Variants in ARHGAP24 observed in about 807,000 individuals in gnomAD.
The protein encoded by ARHGAP24 is rho GTPase-activating protein 24.
A neutral mutation model predicts 76.4 loss-of-function variants in ARHGAP24; 50 were observed. The observed-to-expected ratio is 0.65, with a 90% CI of 0.52 to 0.83. The LOEUF (loss-of-function observed/expected upper bound fraction) is 0.83, where lower values mean the gene tolerates loss of function less well. Among genes scored for constraint, ARHGAP24 ranks in the 40% least tolerant of loss-of-function variants. ARHGAP24 has a pLI of 0.00. For missense variants in ARHGAP24, 930 were observed against 914.2 expected, an observed-to-expected ratio of 1.02 and a Z score of -0.22; for synonymous variants, 345 against 323.3, an observed-to-expected ratio of 1.07 and a Z score of -0.72.
At chr4:85,811,150 C>T (rs1041160109) in intron 3 of ARHGAP24, among the ~76,000 whole-genome samples, 2 of 152,060 alleles carry the variant, frequency 1.3e-5, no homozygotes, top group Admixed American at 1.3e-4. Context: ...ATGCAAGAGC[C>T]AATGATTTCT....
intron 1 of ARHGAP24, among the ~76,000 whole-genome samples, chr4:85,545,348 C>T (rs1434583807): frequency 6.6e-6 from 1 of 152,164 alleles, no homozygotes; most frequent in Non-Finnish European, 1.5e-5. Context: ...GATCCACCCA[C>T]CTCAGCCCCC....
At chr4:85,940,400 G>C (rs1037711539) in intron 4 of ARHGAP24, among the ~76,000 whole-genome samples, 7 of 151,890 alleles carry the variant, frequency 4.6e-5, no homozygotes, top group Admixed American at 3.9e-4. Context: ...CAGGCAAAAG[G>C]AGTGACTGAC....
At chr4:85,754,098 C>G (rs1249546582) in intron 3 of ARHGAP24, among the ~76,000 whole-genome samples, 2 of 152,162 alleles carry the variant, frequency 1.3e-5, no homozygotes, top group African/African-American at 4.8e-5. Flanking sequence ...CCTCTGGTAA[C>G]CACCCAGCCT....
intron 3 of ARHGAP24, among the ~76,000 whole-genome samples, chr4:85,797,161 G>GA (rs1237957895): frequency 6.7e-6 from 1 of 148,464 alleles, no homozygotes; most frequent in African/African-American, 2.5e-5. Flanking sequence ...AATTTTTTTT[G>GA]TTTTTTTTTT....
At chr4:85,996,575 C>A (rs544214875) in intron 9 of ARHGAP24, among the ~76,000 whole-genome samples, 1 of 152,022 alleles carries the variant, frequency 6.6e-6, no homozygotes, top group Admixed American at 6.6e-5. Flanking sequence ...AAAAAGATAA[C>A]GTACTTTCAG....
chr4:85,587,414 C>T (rs1471163350), intron 2 of ARHGAP24, among the ~76,000 whole-genome samples: 1 of 152,126 alleles, frequency 6.6e-6, no homozygotes, highest in Non-Finnish European at 1.5e-5. Flanking sequence ...TGTGTGTGAT[C>T]ATCCTTTTAA....
At chr4:85,560,803 A>G (rs148309420) in intron 1 of ARHGAP24, among the ~76,000 whole-genome samples, 106 of 152,312 alleles carry the variant, frequency 7.0e-4, no homozygotes, top group African/African-American at 2.5e-3. Flanking sequence ...TTTGAAGTTC[A>G]GTTTAGCTTT....
intron 3 of ARHGAP24, among the ~76,000 whole-genome samples, chr4:85,766,210 TAG>T (rs1407010122): frequency 6.6e-6 from 1 of 151,908 alleles, no homozygotes; most frequent in Non-Finnish European, 1.5e-5. Flanking sequence ...ATGAAGGAAG[TAG>T]AGATGGGGTA....
At chr4:85,841,721 C>T (rs1325122475) in intron 3 of ARHGAP24, among the ~76,000 whole-genome samples, 1 of 152,092 alleles carries the variant, frequency 6.6e-6, no homozygotes, top group African/African-American at 2.4e-5. Flanking sequence ...CAGCCTCATT[C>T]AAGTACACCT....
chr4:85,966,477 G>T (rs1738615610), intron 5 of ARHGAP24, among the ~76,000 whole-genome samples: 1 of 152,162 alleles, frequency 6.6e-6, no homozygotes, highest in Non-Finnish European at 1.5e-5. Context: ...TGTGCAATAA[G>T]CCATGACAGT....
intron 2 of ARHGAP24, among the ~76,000 whole-genome samples, chr4:85,580,475 A>G (rs956029034): frequency 1.3e-5 from 2 of 152,080 alleles, no homozygotes; most frequent in African/African-American, 2.4e-5. Context: ...CTAAAGTCCT[A>G]TCACCTGGGG....
chr4:85,563,405 C>T (rs576999563), intron 1 of ARHGAP24, among the ~76,000 whole-genome samples: 18 of 152,256 alleles, frequency 1.2e-4, no homozygotes, highest in African/African-American at 2.4e-4. Context: ...GGCTTGTAGG[C>T]GACCAACATA....
At chr4:85,584,498 G>A (rs947993415) in intron 2 of ARHGAP24, among the ~76,000 whole-genome samples, 12 of 151,222 alleles carry the variant, frequency 7.9e-5, no homozygotes, top group Non-Finnish European at 4.4e-5. Flanking sequence ...GCTAAATGAC[G>A]AGTTAATGGG....
intron 8 of ARHGAP24, among the ~76,000 whole-genome samples, chr4:85,979,178 G>A (rs1018305233): frequency 6.6e-6 from 1 of 152,186 alleles, no homozygotes; most frequent in Admixed American, 6.5e-5. Context: ...ACCTTTGATT[G>A]TGTTGTGTCC....
At chr4:85,955,723 G>T (rs1298949796) in intron 5 of ARHGAP24, among the ~76,000 whole-genome samples, 1 of 152,170 alleles carries the variant, frequency 6.6e-6, no homozygotes, top group Admixed American at 6.5e-5. Context: ...ATGTAACTCT[G>T]TTTCTTATAT....
At chr4:85,609,948 T>A (rs797000833) in intron 2 of ARHGAP24, among the ~76,000 whole-genome samples, 8 of 152,342 alleles carry the variant, frequency 5.3e-5, no homozygotes, top group African/African-American at 1.9e-4. Context: ...GTTTAAATGC[T>A]ATTAAACTGC....
At chr4:85,784,840 G>A (rs780243880) in intron 3 of ARHGAP24, among the ~76,000 whole-genome samples, 6 of 151,516 alleles carry the variant, frequency 4.0e-5, no homozygotes, top group South Asian at 2.1e-4. Context: ...TACTGTCCCC[G>A]CCCCAATCCT....
At chr4:85,555,778 G>T (rs1313993495) in intron 1 of ARHGAP24, among the ~76,000 whole-genome samples, 2 of 152,214 alleles carry the variant, frequency 1.3e-5, no homozygotes, top group Non-Finnish European at 2.9e-5. Flanking sequence ...GCCACTCCCA[G>T]TTGGGGCTAT....
At chr4:85,609,111 T>C (rs1720300369) in intron 2 of ARHGAP24, among the ~76,000 whole-genome samples, 1 of 152,146 alleles carries the variant, frequency 6.6e-6, no homozygotes. Flanking sequence ...TAGTATCTAG[T>C]AAAGTGCTAG....
Sources: gnomAD v4.1 joint callset for allele counts (sites outside exome capture counted in the v4.1 genomes callset) on GRCh38, gnomAD v4.1.1 for gene constraint, MANE v1.5 for transcripts, NCBI Gene and HGNC (gene_info 2026-07-23, HGNC 2026-07-21) for gene names.